The following GPM6A variants were observed in gnomAD, a reference collection of about 807,000 sequenced individuals.
The protein encoded by GPM6A is neuronal membrane glycoprotein M6-a.
In GPM6A, 7 loss-of-function variants were observed where a neutral mutation model predicts 32.1. The ratio of observed to expected loss-of-function variants is 0.22; its 90% CI spans 0.12 to 0.41. The LOEUF (loss-of-function observed/expected upper bound fraction) is 0.41. Ranked by LOEUF, GPM6A falls within the 10% of genes least tolerant of loss-of-function variation. The pLI is 1.00. For synonymous variants in GPM6A, 130 were observed against 123.4 expected (o/e 1.05, Z -0.35); for missense variants, 235 against 347.2 (o/e 0.68, Z 2.57).
At chr4:175,793,619 G>A (rs535555293) in intron 1 of GPM6A, among the ~76,000 whole-genome samples, 2 of 151,906 alleles carry the variant, frequency 1.3e-5, no homozygotes, top group South Asian at 2.1e-4. Flanking sequence ...CAGTTGATTC[G>A]CCTGCCTCGG....
chr4:175,754,094 CAT>C (rs1218668360), intron 1 of GPM6A, among the ~76,000 whole-genome samples: 1 of 152,118 alleles, frequency 6.6e-6, no homozygotes, highest in Non-Finnish European at 1.5e-5. Context: ...TATTTTTCAA[CAT>C]ATCTTAATAA....
In GPM6A at chr4:175,972,112, A is replaced by G. The variant is rs1740521272; in HGVS notation, c.-23+30197T>C. On this transcript the variant is annotated intron_variant, in intron 1 of 7. Transcript: ENST00000280187. The stretch of plus-strand genomic sequence containing the variant: ...TTCCCTTCACATTATGATTCTTTGC[A>G]TATACTTTATTATTCATCAGTTCAC... 3 of 152,124 alleles carry G rather than the reference A, an allele frequency of 2.0e-5. No homozygotes were observed. In the South Asian group the frequency reaches 6.2e-4, roughly 32 times the overall value. The allele number at this position is 152,124 out of a possible 1,614,324, so 9.4% of individuals were successfully genotyped here. A position where few individuals can be genotyped will look rare whatever the true frequency, so the allele number is the denominator to read the frequency against.
chr4:175,681,293 G>A (rs1471818076), intron 2 of GPM6A, among the ~76,000 whole-genome samples: 2 of 152,140 alleles, frequency 1.3e-5, no homozygotes, highest in Non-Finnish European at 2.9e-5. Flanking sequence ...TTGCTAATCT[G>A]ATGGGTGATG....
At chr4:175,845,899 A>G (rs10000906) in intron 1 of GPM6A, among the ~76,000 whole-genome samples, 46,673 of 151,894 alleles carry the variant, frequency 0.31, 7,264 homozygotes, top group East Asian at 0.36. Flanking sequence ...ATCTGCCTCC[A>G]AGCTGCCTTC....
intron 1 of GPM6A, among the ~76,000 whole-genome samples, chr4:175,735,768 G>T (rs1414515839): frequency 6.6e-6 from 1 of 152,062 alleles, no homozygotes; most frequent in Non-Finnish European, 1.5e-5. Flanking sequence ...CACCACGTTG[G>T]TCAGGCTGGT....
chr4:175,696,389 T>C (rs17061806), intron 2 of GPM6A, among the ~76,000 whole-genome samples: 7,178 of 152,280 alleles, frequency 0.047, 204 homozygotes, highest in Non-Finnish European at 0.063. Flanking sequence ...ATCTTGTCTA[T>C]CTAAATTCCT....
chr4:175,862,351 A>G (rs1309768496), intron 1 of GPM6A, among the ~76,000 whole-genome samples: 1 of 152,200 alleles, frequency 6.6e-6, no homozygotes, highest in African/African-American at 2.4e-5. Flanking sequence ...GTATAGTAGT[A>G]GACTCCCTGT....
chr4:175,637,538 CAATATATTATATATTATATAAA>C (rs1740795368), intron 6 of GPM6A, among the ~76,000 whole-genome samples: 2 of 4,984 alleles, frequency 4.0e-4, no homozygotes, highest in South Asian at 4.7e-3. Flanking sequence ...TAAAAATATA[CAATATATTATATATTATATAAA>C]AATATATTAT....
At chr4:175,863,031 T>C (rs888175364) in intron 1 of GPM6A, among the ~76,000 whole-genome samples, 3 of 152,190 alleles carry the variant, frequency 2.0e-5, no homozygotes, top group African/African-American at 7.2e-5. Flanking sequence ...CTTTTCTCCA[T>C]TTCACTGATT....
intron 1 of GPM6A, among the ~76,000 whole-genome samples, chr4:175,850,372 G>T (rs989731825): frequency 3.3e-5 from 5 of 152,166 alleles, no homozygotes; most frequent in Non-Finnish European, 5.9e-5. Flanking sequence ...GACACAAGAA[G>T]TTTAGGAAAA....
chr4:175,730,383 C>T (rs1446316388), intron 1 of GPM6A, among the ~76,000 whole-genome samples: 1 of 151,970 alleles, frequency 6.6e-6, no homozygotes, highest in African/African-American at 2.4e-5. Flanking sequence ...GCTGGGACTA[C>T]AGGCATGTGT....
At chr4:175,916,139 G>A (rs762510955) in intron 1 of GPM6A, among the ~76,000 whole-genome samples, 2 of 152,170 alleles carry the variant, frequency 1.3e-5, no homozygotes, top group African/African-American at 2.4e-5. Context: ...ACAGGTCCCC[G>A]CTATGCAGGC....
intron 2 of GPM6A, among the ~76,000 whole-genome samples, chr4:175,680,909 A>G (rs980952903): frequency 2.6e-5 from 4 of 152,168 alleles, no homozygotes; most frequent in African/African-American, 9.7e-5. Context: ...GTCTTTGAAA[A>G]TTTCTCTATA....
At chr4:175,913,956 A>G (rs1055126118) in intron 1 of GPM6A, among the ~76,000 whole-genome samples, 1 of 152,096 alleles carries the variant, frequency 6.6e-6, no homozygotes, top group Non-Finnish European at 1.5e-5. Flanking sequence ...GTGACTGTAA[A>G]CCAAAGAAGT....
chr4:175,937,989 T>G (rs72704546), intron 1 of GPM6A, among the ~76,000 whole-genome samples: 3,577 of 152,228 alleles, frequency 0.023, 76 homozygotes, highest in South Asian at 0.052. Flanking sequence ...AGTCAGTTAT[T>G]TATATGGACG....
At chr4:175,847,182 G>A (rs1041528427) in intron 1 of GPM6A, among the ~76,000 whole-genome samples, 1 of 152,078 alleles carries the variant, frequency 6.6e-6, no homozygotes, top group South Asian at 2.1e-4. Context: ...CTACCCACTG[G>A]ATGGTCCTCC....
intron 1 of GPM6A, among the ~76,000 whole-genome samples, chr4:175,702,002 A>C (rs1176541334): frequency 6.6e-6 from 1 of 152,172 alleles, no homozygotes; most frequent in Non-Finnish European, 1.5e-5. Flanking sequence ...TCTACCGCAA[A>C]ACCTAGAGAA....
chr4:175,851,553 G>A lies in GPM6A; in HGVS notation c.-22-39304C>T, dbSNP rs1300973898. Reference sequence around the variant, plus strand: ...AAACACTCTTAATGTTCAATGAGAGGGAATAATATTCAGGTTACATTGAAG... The same window carrying A: ...AAACACTCTTAATGTTCAATGAGAGAGAATAATATTCAGGTTACATTGAAG... On this transcript the variant is annotated intron_variant, in intron 1 of 7. Coordinates refer to the GPM6A transcript ENST00000280187. Among the ~76,000 whole-genome samples, 5 of 152,126 alleles carry A rather than the reference G, an allele frequency of 3.3e-5. No individual in the cohort carries two copies. In the East Asian group the frequency reaches 5.8e-4, roughly 18 times the overall value.
chr4:175,834,336 T>A (rs1407198506), intron 1 of GPM6A, among the ~76,000 whole-genome samples: 1 of 152,146 alleles, frequency 6.6e-6, no homozygotes, highest in East Asian at 1.9e-4. Context: ...CGGCTGCTTT[T>A]TTTAGTTTGT....
Sources: allele counts gnomAD v4.1 joint callset (sites outside exome capture counted in the v4.1 genomes callset), GRCh38; gene constraint gnomAD v4.1.1; transcripts MANE v1.5; gene names NCBI Gene and HGNC (gene_info 2026-07-23, HGNC 2026-07-21).